Variants in SMURF2 observed in about 807,000 individuals in gnomAD.
The protein encoded by SMURF2 is E3 ubiquitin-protein ligase SMURF2.
Under a neutral mutation model 109.6 loss-of-function variants are expected in SMURF2, and 48 were observed. The observed-to-expected ratio is 0.44, with a 90% CI of 0.35 to 0.56. The LOEUF (loss-of-function observed/expected upper bound fraction) is 0.56, where lower values mean the gene tolerates loss of function less well. Among genes scored for constraint, SMURF2 ranks in the 20% least tolerant of loss-of-function variants. The pLI is 0.01. For missense variants in SMURF2, 575 were observed against 909.0 expected, an observed-to-expected ratio of 0.63 and a Z score of 4.72; for synonymous variants, 288 against 317.1, an observed-to-expected ratio of 0.91 and a Z score of 0.97.
intron 3 of SMURF2, 126 bp downstream of exon 3, chr17:64,598,256 T>C: frequency 4.4e-6 from 3 of 689,418 alleles, no homozygotes; most frequent in East Asian, 3.0e-5. Flanking sequence ...GGCTTTTCTT[T>C]ACCCCTTTTG....
At chr17:64,561,822 C>T (rs111732524) in intron 11 of SMURF2, among the ~76,000 whole-genome samples, 8,077 of 151,892 alleles carry the variant, frequency 0.053, 308 homozygotes, top group Admixed American at 0.13. Flanking sequence ...CATAGTGAAA[C>T]TCTGTCTATA....
chr17:64,657,746 C>A (rs938933545), intron 1 of SMURF2, among the ~76,000 whole-genome samples: 5 of 150,776 alleles, frequency 3.3e-5, no homozygotes, highest in African/African-American at 9.7e-5. Context: ...AAATAAAAAT[C>A]TTGTATGCCT....
chr17:64,549,359 G>A (rs1598266240), intron 16 of SMURF2, among the ~76,000 whole-genome samples: 1 of 151,632 alleles, frequency 6.6e-6, no homozygotes, highest in East Asian at 1.9e-4. Flanking sequence ...TGAGGTAGGA[G>A]GATCACTTCA....
Position 64,629,122 on chromosome 17 carries a change from A to G in SMURF2, c.53-22482T>C, listed in dbSNP as rs145309142. On this transcript the variant is annotated intron_variant, in intron 1 of 18. Coordinates refer to ENST00000262435, the MANE Select transcript of SMURF2 (RefSeq NM_022739.4). ...TCCCATGCCCACCAGAACCTCACAA[A>G]CTTACAGACTACTAGTTTCCCTAAG... Among the ~76,000 whole-genome samples the G allele has an allele frequency of 2.3e-3, 347 of 152,262 alleles. 1 individual carries two copies. Among genetic ancestry groups the G allele is most frequent in the Non-Finnish European group, 3.7e-3 (249 of 68,020 alleles).
chr17:64,637,520 T>A (rs1970432833), intron 1 of SMURF2, among the ~76,000 whole-genome samples: 1 of 152,138 alleles, frequency 6.6e-6, no homozygotes, highest in Admixed American at 6.6e-5. Context: ...GAGGTTCAAC[T>A]TCATTCTTTT....
intron 10 of SMURF2, 99 bp downstream of exon 10, chr17:64,571,699 G>A (rs1019310883): frequency 1.0e-5 from 13 of 1,274,970 alleles, no homozygotes; most frequent in African/African-American, 6.0e-5. Flanking sequence ...GATTAAAGGC[G>A]TGAGCCACTG....
At chr17:64,630,665 G>C (rs1970326188) in intron 1 of SMURF2, among the ~76,000 whole-genome samples, 1 of 152,102 alleles carries the variant, frequency 6.6e-6, no homozygotes, top group Non-Finnish European at 1.5e-5. Flanking sequence ...AGCAGAAAAA[G>C]GTTTTATAAC....
intron 1 of SMURF2, among the ~76,000 whole-genome samples, chr17:64,656,122 A>C (rs1454526245): frequency 6.6e-6 from 1 of 152,234 alleles, no homozygotes; most frequent in African/African-American, 2.4e-5. Flanking sequence ...CATTAAATAT[A>C]ATGTACTTAT....
intron 3 of SMURF2, among the ~76,000 whole-genome samples, chr17:64,593,798 T>C (rs1467530312): frequency 6.6e-6 from 1 of 152,224 alleles, no homozygotes; most frequent in Non-Finnish European, 1.5e-5. Context: ...AGCTGGGCTA[T>C]AATTCTAGTC....
intron 15 of SMURF2, 108 bp downstream of exon 15, chr17:64,554,748 A>T: frequency 1.0e-6 from 1 of 987,558 alleles, no homozygotes; most frequent in East Asian, 2.5e-5. Context: ...ATTCTCCTGA[A>T]GCGGATTTTG....
At chr17:64,636,650 G>A (rs1185770795) in intron 1 of SMURF2, among the ~76,000 whole-genome samples, 1 of 148,604 alleles carries the variant, frequency 6.7e-6, no homozygotes, top group Non-Finnish European at 1.5e-5. Context: ...ATGGTGGTGT[G>A]CACCTGTAGT....
Position 64,545,372 on chromosome 17 carries a change from T to C in SMURF2, c.*476A>G, listed in dbSNP as rs1468110546. On this transcript the variant is annotated 3_prime_UTR_variant, in exon 19 of 19. Transcript: ENST00000262435. ...ACAAAGGTAGAATAATTCAAAATAA[T>C]TTTATTTTTTTTTACAAAGAGCAAG... 1 of 152,636 alleles carries C rather than the reference T, an allele frequency of 6.6e-6. No homozygotes were observed. The highest frequency in any genetic ancestry group is 1.5e-5 in the Non-Finnish European group (1 of 68,072). 9.5% of individuals were successfully genotyped at this position (152,636 alleles called of 1,614,324 possible).
At chr17:64,645,259 A>G (rs1396212418) in intron 1 of SMURF2, among the ~76,000 whole-genome samples, 2 of 152,254 alleles carry the variant, frequency 1.3e-5, no homozygotes, top group Non-Finnish European at 2.9e-5. Flanking sequence ...TCTATAATAA[A>G]TAAATTTGAA....
chr17:64,638,062 C>CTTTT (rs1195172818), intron 1 of SMURF2, among the ~76,000 whole-genome samples: 19 of 102,430 alleles, frequency 1.9e-4, no homozygotes, highest in Non-Finnish European at 2.5e-4. Context: ...TTTCCTTTTT[C>CTTTT]TTTTTTTTTT....
intron 1 of SMURF2, among the ~76,000 whole-genome samples, chr17:64,636,264 C>T (rs752874805): frequency 2.6e-5 from 4 of 152,096 alleles, no homozygotes; most frequent in Non-Finnish European, 5.9e-5. Context: ...TGGCTAGCTG[C>T]CCATTTTTTA....
At chr17:64,628,757 C>T (rs1203546775) in intron 1 of SMURF2, among the ~76,000 whole-genome samples, 1 of 152,146 alleles carries the variant, frequency 6.6e-6, no homozygotes, top group African/African-American at 2.4e-5. Context: ...GCTCTTTCTC[C>T]GTGACTTCCT....
chr17:64,609,152 T>A (rs974969442), intron 1 of SMURF2, among the ~76,000 whole-genome samples: 1 of 152,074 alleles, frequency 6.6e-6, no homozygotes, highest in African/African-American at 2.4e-5. Flanking sequence ...ACATTCCATG[T>A]TCATGGATAG....
intron 6 of SMURF2, among the ~76,000 whole-genome samples, chr17:64,584,161 T>C (rs1186333336): frequency 1.3e-5 from 2 of 151,168 alleles, no homozygotes; most frequent in African/African-American, 2.4e-5. Flanking sequence ...CTATTAAAAA[T>C]ACAAAAATTA....
chr17:64,587,149 C>G (rs1969674614), intron 5 of SMURF2, among the ~76,000 whole-genome samples: 1 of 152,008 alleles, frequency 6.6e-6, no homozygotes, highest in African/African-American at 2.4e-5. Context: ...GCACTCTAGC[C>G]TGGCAACAGA....
Sources: gnomAD v4.1 joint callset for allele counts (sites outside exome capture counted in the v4.1 genomes callset) on GRCh38, gnomAD v4.1.1 for gene constraint, MANE v1.5 for transcripts, NCBI Gene and HGNC (gene_info 2026-07-23, HGNC 2026-07-21) for gene names.